CDKN2B-AS1: variants seen among roughly 807,000 people sequenced by gnomAD.
CDKN2B-AS1 encodes CDKN2B and CDKN2A antisense cis and trans regulatory RNA 1.
In CDKN2B-AS1 at chr9:22,000,466, A is replaced by C. The variant is rs1820871043; in HGVS notation, n.29+5305A>C. On this transcript the variant is annotated intron_variant and non_coding_transcript_variant, in intron 1 of 4. Coordinates refer to ENST00000650946, the Ensembl canonical transcript of CDKN2B-AS1. The surrounding 1 kb of genome is among the most constrained non-coding windows in gnomAD (Gnocchi z 4.1). The stretch of plus-strand genomic sequence containing the variant: ...CAGTCCAGAGATTAGCAAATAATAG[A>C]GGATGATCAAATGTTTTTCAGAAAA... Among the ~76,000 whole-genome samples, 1 of 152,206 alleles carries C rather than the reference A, an allele frequency of 6.6e-6. No individual in the cohort carries two copies. Among genetic ancestry groups the C allele is most frequent in the African/African-American group, 2.4e-5 (1 of 41,452 alleles).
At chr9:22,025,278 A>G (rs1489254239) in intron 1 of CDKN2B-AS1, among the ~76,000 whole-genome samples, 2 of 151,982 alleles carry the variant, frequency 1.3e-5, no homozygotes, top group East Asian at 1.9e-4. Context: ...GTGGGGTGGG[A>G]CCTGTGGGAG....
chr9:22,116,962 A>G (rs1490613544), intron 4 of CDKN2B-AS1, among the ~76,000 whole-genome samples: 1 of 152,236 alleles, frequency 6.6e-6, no homozygotes, highest in Non-Finnish European at 1.5e-5. Context: ...AGTAAACTTG[A>G]CCTCACATAA....
chr9:22,056,589 C>A (rs1286185223), intron 4 of CDKN2B-AS1, among the ~76,000 whole-genome samples: 1 of 152,112 alleles, frequency 6.6e-6, no homozygotes, highest in African/African-American at 2.4e-5. Context: ...GAGTCACCAC[C>A]TCTCCTGGCT....
At chr9:22,079,904 A>T (rs746854420) in intron 4 of CDKN2B-AS1, among the ~76,000 whole-genome samples, 1 of 152,190 alleles carries the variant, frequency 6.6e-6, no homozygotes. Context: ...AGTAATCCAG[A>T]TATCTCTTCC....
chr9:22,103,618 G>A (rs1220830641), intron 4 of CDKN2B-AS1, among the ~76,000 whole-genome samples: 1 of 152,124 alleles, frequency 6.6e-6, no homozygotes, highest in Non-Finnish European at 1.5e-5. Context: ...GAGAAAGAAT[G>A]TAGAAATAAT....
intron 4 of CDKN2B-AS1, among the ~76,000 whole-genome samples, chr9:22,096,805 C>G (rs371306038): frequency 6.6e-6 from 1 of 152,102 alleles, no homozygotes; most frequent in Non-Finnish European, 1.5e-5. Flanking sequence ...GTTCCCTCTC[C>G]CCTCCTCCAC....
Position 22,012,006 on chromosome 9 carries a change from T to C in CDKN2B-AS1, n.29+16845T>C. The C allele has an allele frequency of 6.2e-6, 3 of 487,734 alleles. No individual in the cohort carries two copies. In the East Asian group the frequency reaches 1.1e-4, roughly 17 times the overall value. The allele number at this position is 487,734 out of a possible 1,614,324, so 30.2% of individuals were successfully genotyped here. ...GTAGAAGGGAATGAGTGGCATCCAT[T>C]CCAATGTTGCACATAACTCAGATCA... On this transcript the variant is annotated intron_variant and non_coding_transcript_variant, in intron 1 of 4. Transcript: ENST00000650946.
rs777560826 is a variant in CDKN2B-AS1 at position 22,056,234 on chromosome 9, A to ATATTTTTTTTTTTTT, written n.303-17_303-16insATTTTTTTTTTTTTT. 5 of 98,282 alleles carry ATATTTTTTTTTTTTT rather than the reference A, an allele frequency of 5.1e-5. No homozygotes were observed. The East Asian group carries it at 1.3e-3, about 26-fold the overall frequency. 6.1% of individuals were successfully genotyped at this position (98,282 alleles called of 1,614,324 possible). A position where few individuals can be genotyped will look rare whatever the true frequency, so the allele number is the denominator to read the frequency against. On this transcript the variant is annotated splice_polypyrimidine_tract_variant and intron_variant and non_coding_transcript_variant, in intron 3 of 4. Transcript: ENST00000650946. ...TGTGTATATATATATATATATATAT[A>ATATTTTTTTTTTTTT]TTTTTTTTTTTTTCCAGTAGAGACG...
chr9:22,118,661 G>C (rs1826020983), intron 4 of CDKN2B-AS1: 1 of 152,194 alleles, frequency 6.6e-6, no homozygotes, highest in South Asian at 2.1e-4. Context: ...TCACAGTCCA[G>C]ACTTGGAGTA....
chr9:22,116,018 G>T (rs939299665), intron 4 of CDKN2B-AS1, among the ~76,000 whole-genome samples: 2 of 152,148 alleles, frequency 1.3e-5, no homozygotes, highest in Non-Finnish European at 2.9e-5. Flanking sequence ...GAAAAAGTAT[G>T]AAAAGAGCTG....
chr9:22,005,112 A>ATGTGTGTGTGTGTGTGTGTGTG lies in CDKN2B-AS1; in HGVS notation n.29+9960_29+9981dup. 1 of 222,510 alleles carries ATGTGTGTGTGTGTGTGTGTGTG rather than the reference A, an allele frequency of 4.5e-6. No homozygotes were observed. Among genetic ancestry groups the ATGTGTGTGTGTGTGTGTGTGTG allele is most frequent in the South Asian group, 1.9e-4 (1 of 5,208 alleles). The allele number at this position is 222,510 out of a possible 1,614,324, so 13.8% of individuals were successfully genotyped here. On this transcript the variant is annotated intron_variant and non_coding_transcript_variant, in intron 1 of 4. Coordinates refer to ENST00000650946, the Ensembl canonical transcript of CDKN2B-AS1. The surrounding 1 kb of genome is among the most constrained non-coding windows in gnomAD (Gnocchi z 4.9). ...CATAAGGGGATTTCCGCATCCTAGC[A>ATGTGTGTGTGTGTGTGTGTGTG]TGTGTGTGTGTGTGTGTGTGTGTGT...
chr9:22,104,979 T>C (rs1825609370), intron 4 of CDKN2B-AS1, among the ~76,000 whole-genome samples: 1 of 152,042 alleles, frequency 6.6e-6, no homozygotes, highest in Non-Finnish European at 1.5e-5. Flanking sequence ...GAAATAGGGG[T>C]CTATAGAGGT....
chr9:22,094,921 G>A (rs994308567), intron 4 of CDKN2B-AS1, among the ~76,000 whole-genome samples: 5 of 144,134 alleles, frequency 3.5e-5, no homozygotes, highest in Non-Finnish European at 7.4e-5. Flanking sequence ...TTTCTGCTCT[G>A]TTTTTTCCCA....
intron 4 of CDKN2B-AS1, among the ~76,000 whole-genome samples, chr9:22,086,342 A>C (rs187149282): frequency 2.0e-5 from 3 of 152,338 alleles, no homozygotes; most frequent in Non-Finnish European, 2.9e-5. Context: ...AAGTAGCATA[A>C]TTAAAAGTAT....
chr9:22,100,458 G>T lies in CDKN2B-AS1; in HGVS notation n.439-26645G>T, dbSNP rs556416360. The stretch of plus-strand genomic sequence containing the variant: ...CTTTCCCTTAGGATAATGTTTTCTG[G>T]TTTATAAATGTTGCAAATGTCAGTA... On this transcript the variant is annotated intron_variant and non_coding_transcript_variant, in intron 4 of 4. Transcript: ENST00000650946. 5.9e-5 allele frequency among the ~76,000 whole-genome samples: 9 copies of T among 152,162 alleles called. No individual in the cohort carries two copies. The East Asian group carries it at 1.7e-3, about 29-fold the overall frequency.
chr9:22,034,227 C>G (rs542157300), intron 1 of CDKN2B-AS1, among the ~76,000 whole-genome samples: 6 of 152,174 alleles, frequency 3.9e-5, no homozygotes, highest in South Asian at 2.1e-4. Context: ...TTATTCTGGT[C>G]TATAAATTCA....
At chr9:22,093,851 C>T (rs1249542469) in intron 4 of CDKN2B-AS1, among the ~76,000 whole-genome samples, 2 of 144,170 alleles carry the variant, frequency 1.4e-5, no homozygotes, top group Middle Eastern at 3.2e-3. Flanking sequence ...TGAATTTGAT[C>T]CTGTCATTAT....
rs2131181721 is a variant in CDKN2B-AS1, at chr9:22,006,201, T to TGGA, written n.29+11042_29+11044dup. On this transcript the variant is annotated intron_variant and non_coding_transcript_variant, in intron 1 of 4. Coordinates refer to ENST00000650946, the Ensembl canonical transcript of CDKN2B-AS1. The surrounding 1 kb of genome is among the most constrained non-coding windows in gnomAD (Gnocchi z 6.4). ...GTCTGCGCAGTTGGGCTCCGCGCCG[T>TGGA]GGAGCAGCAGCAGCTCCGCCACGCG... 1 of 1,608,624 alleles carries TGGA rather than the reference T, an allele frequency of 6.2e-7. No individual in the cohort carries two copies. The highest frequency in any genetic ancestry group is 1.1e-5 in the South Asian group (1 of 91,044).
intron 1 of CDKN2B-AS1, among the ~76,000 whole-genome samples, chr9:22,016,278 C>A (rs1396835139): frequency 6.6e-6 from 1 of 152,148 alleles, no homozygotes; most frequent in African/African-American, 2.4e-5. Flanking sequence ...CTACAAACCA[C>A]TGCTCAATGA....
Sources: allele counts gnomAD v4.1 joint callset (sites outside exome capture counted in the v4.1 genomes callset), GRCh38; gene constraint gnomAD v4.1.1; non-coding constraint Gnocchi (gnomAD v3.1); transcripts MANE v1.5; gene names NCBI Gene and HGNC (gene_info 2026-07-23, HGNC 2026-07-21).